Variants in KLC4 observed in about 807,000 individuals in gnomAD.
KLC4 encodes kinesin light chain 4.
KLC4 carries 49 observed loss-of-function variants against 77.2 expected under a neutral mutation model. That is an observed-to-expected ratio of 0.63 (90% CI 0.50 to 0.80). KLC4 has a LOEUF of 0.80. Ranked by LOEUF, KLC4 falls within the 30% of genes least tolerant of loss-of-function variation. The probability of loss-of-function intolerance (pLI) is 0.00; values close to 1 mark genes in which losing one functional copy is unlikely to be tolerated. For missense variants in KLC4, 669 were observed against 793.5 expected (o/e 0.84, Z 1.89); for synonymous variants, 274 against 314.5 (o/e 0.87, Z 1.36).
intron 12 of KLC4, 55 bp downstream of exon 12, chr6:43,072,310 G>C (rs1765774696): frequency 7.4e-7 from 1 of 1,355,102 alleles, no homozygotes. Context: ...GGGGATGAGA[G>C]AGTGCCGAGG....
intron 9 of KLC4, 47 bp downstream of exon 9, chr6:43,071,421 T>C (rs751221906): frequency 6.4e-7 from 1 of 1,567,396 alleles, no homozygotes; most frequent in South Asian, 1.1e-5. Flanking sequence ...AGAAAAGAAA[T>C]TCAGACCAAA....
chr6:43,073,957 C>CCAT lies in KLC4; in HGVS notation c.1802_1803insATC (p.Pro601_Leu602insSer). The CCAT allele has an allele frequency of 6.2e-7, 1 of 1,610,290 alleles. No homozygotes were observed. The highest frequency in any genetic ancestry group is 8.5e-7 in the Non-Finnish European group (1 of 1,178,002). On this transcript the variant is annotated inframe_insertion, in exon 15 of 16. Coordinates refer to ENST00000347162, the MANE Select transcript of KLC4 (RefSeq NM_201521.3). ...CTATCTGAACCAACCTAGTGCAGCA[C>CCAT]CCCTCCAGGTGAGAGCAGTGCTTGT... is the stretch of plus-strand genomic sequence containing the variant.
At chr6:43,070,317 A>G (rs1765653006) in intron 6 of KLC4, 37 bp from the exon 7 acceptor site, 1 of 1,495,258 alleles carries the variant, frequency 6.7e-7, no homozygotes, top group African/African-American at 1.4e-5. Context: ...GTCTTTTGCA[A>G]CCCAAATGTC....
intron 6 of KLC4, 165 bp downstream of exon 6, chr6:43,067,248 GATTCTCA>G (rs1375516631): frequency 7.6e-7 from 1 of 1,317,730 alleles, no homozygotes; most frequent in Non-Finnish European, 9.8e-7. Context: ...TGATCCTAAT[GATTCTCA>G]ATTCTCTGAG....
intron 1 of KLC4, 158 bp downstream of exon 1, chr6:43,059,843 C>G: frequency 8.5e-7 from 1 of 1,172,898 alleles, no homozygotes; most frequent in East Asian, 4.9e-5. Context: ...CCCTCGGCGT[C>G]CAGACAGATA....
intron 1 of KLC4, chr6:43,060,460 G>A: frequency 7.1e-7 from 1 of 1,409,500 alleles, no homozygotes; most frequent in Admixed American, 2.5e-5. Context: ...GGTCCTCTGG[G>A]TAGCTGTGAA....
chr6:43,073,701 C>A, intron 14 of KLC4: 1 of 591,614 alleles, frequency 1.7e-6, no homozygotes, highest in Non-Finnish European at 3.0e-6. Context: ...GTAAAGTAAG[C>A]CCTTGCCTCC....
rs1765910671 is a variant in KLC4 at position 43,074,811 on chromosome 6, T to G, written c.*139T>G. 1.4e-6 allele frequency: 1 copy of G among 718,112 alleles called. No homozygotes were observed. The highest frequency in any genetic ancestry group is 2.5e-6 in the Non-Finnish European group (1 of 403,062). The allele number at this position is 718,112 out of a possible 1,614,324, so 44.5% of individuals were successfully genotyped here. On this transcript the variant is annotated 3_prime_UTR_variant, in exon 16 of 16. Coordinates refer to ENST00000347162, the MANE Select transcript of KLC4 (RefSeq NM_201521.3). ...TTTAACCAGAAGATTGCTGCTGCCC[T>G]TAGGGTCTCAGCTCCCTCCTCAGGA...
intron 6 of KLC4, 58 bp downstream of exon 6, chr6:43,067,141 G>A (rs780278276): frequency 8.0e-6 from 7 of 870,602 alleles, no homozygotes; most frequent in Non-Finnish European, 3.3e-6. Flanking sequence ...TTGCTGTTTT[G>A]GCCTCTCTTA....
chr6:43,066,922 C>T (rs1158486697), intron 5 of KLC4, 74 bp from the exon 6 acceptor site: 2 of 1,560,546 alleles, frequency 1.3e-6, no homozygotes, highest in South Asian at 1.2e-5. Context: ...TGTACTCAGT[C>T]CTTCCAAAGG....
intron 5 of KLC4, among the ~76,000 whole-genome samples, 176 bp from the exon 6 acceptor site, chr6:43,066,819 GT>G (rs1765455704): frequency 6.6e-6 from 1 of 152,128 alleles, no homozygotes; most frequent in African/African-American, 2.4e-5. Flanking sequence ...TGGGATGGCA[GT>G]GCCCTGCATT....
chr6:43,059,740 T>C (rs1765035480), intron 1 of KLC4, 55 bp downstream of exon 1: 1 of 1,228,424 alleles, frequency 8.1e-7, no homozygotes, highest in African/African-American at 1.6e-5. Context: ...CCATCTCTTA[T>C]TCTCGCACTA....
intron 6 of KLC4, among the ~76,000 whole-genome samples, chr6:43,068,654 A>T (rs567324753): frequency 8.2e-4 from 124 of 151,928 alleles, no homozygotes; most frequent in Admixed American, 1.9e-3. Context: ...CTAAAAAAAA[A>T]ATATAAAATT....
intron 6 of KLC4, among the ~76,000 whole-genome samples, chr6:43,067,908 C>G (rs1364646513): frequency 1.7e-5 from 2 of 117,914 alleles, no homozygotes. Flanking sequence ...GTCAGGAGAT[C>G]GAGACCATCC....
At chr6:43,074,526 A>G (rs1415714641) in intron 15 of KLC4, 96 bp from the exon 16 acceptor site, 3 of 1,037,128 alleles carry the variant, frequency 2.9e-6, no homozygotes, top group African/African-American at 3.1e-5. Flanking sequence ...TCCTAGGTCC[A>G]GAGATACACT....
intron 15 of KLC4, 68 bp downstream of exon 15, chr6:43,074,033 G>A: frequency 4.8e-6 from 6 of 1,239,364 alleles, no homozygotes; most frequent in Middle Eastern, 1.9e-4. Flanking sequence ...CAAGCCCAGT[G>A]GAGTAAGGGA....
chr6:43,066,464 A>C lies in KLC4; in HGVS notation c.730A>C (p.Thr244Pro), dbSNP rs1410260155. The C allele has an allele frequency of 1.4e-5, 22 of 1,613,996 alleles. No individual in the cohort carries two copies. The highest frequency in any genetic ancestry group is 1.9e-5 in the Non-Finnish European group (22 of 1,180,008). Residue 244 changes from threonine (T) to proline (P), a missense_variant, in exon 5 of 16, where the codon ACA (threonine) becomes CCA (proline). Physicochemically the swap from Thr to Pro is conservative, Grantham distance 38. Coordinates refer to ENST00000347162, the MANE Select transcript of KLC4 (RefSeq NM_201521.3). ...GCAGGCACTAGAGGACCTGGAGCGC[A>C]CATCAGGCCGTGGCCACCCTGATGT... Reference protein sequence around the residue: ...CKQALEDLERTSGRGHPDVAT... With the variant: ...CKQALEDLERPSGRGHPDVAT...
At position 43,070,466 on chromosome 6, in the gene KLC4, C is replaced by T. The variant is rs1220704889; in HGVS notation, c.981+11C>T. ...GAGATTCGAGAAAAGGTACCCATGC[C>T]CTCTCTCCCTTCTTCTCTTGTCGCT... On this transcript the variant is annotated intron_variant, in intron 7 of 15. Coordinates refer to ENST00000347162, the MANE Select transcript of KLC4 (RefSeq NM_201521.3). 3.2e-6 allele frequency: 5 copies of T among 1,586,172 alleles called. No homozygotes were observed. In the African/African-American group the frequency reaches 6.7e-5, roughly 21 times the overall value.
intron 8 of KLC4, 30 bp from the exon 9 acceptor site, chr6:43,071,245 T>G: frequency 7.0e-7 from 1 of 1,430,644 alleles, no homozygotes; most frequent in East Asian, 2.3e-5. Context: ...CCATGTTTTG[T>G]TCCTGTATTT....
Sources: allele counts gnomAD v4.1 joint callset (sites outside exome capture counted in the v4.1 genomes callset), GRCh38; gene constraint gnomAD v4.1.1; transcripts MANE v1.5; gene names NCBI Gene and HGNC (gene_info 2026-07-23, HGNC 2026-07-21).